Variants in ANO10 observed in about 807,000 individuals in gnomAD.
ANO10 encodes anoctamin-10.
In ANO10, 77 loss-of-function variants were observed where a neutral mutation model predicts 74.7. The observed-to-expected ratio is 1.03, with a 90% CI of 0.86 to 1.25. The LOEUF (loss-of-function observed/expected upper bound fraction) is 1.25, where lower values mean the gene tolerates loss of function less well. Among genes scored for constraint, ANO10 ranks in the 50% most tolerant of loss-of-function variants. The pLI, the probability that ANO10 is intolerant of heterozygous loss-of-function variation, is 0.00. For synonymous variants in ANO10, 279 were observed against 284.9 expected, an observed-to-expected ratio of 0.98 and a Z score of 0.21; for missense variants, 721 against 778.1, an observed-to-expected ratio of 0.93 and a Z score of 0.87.
At chr3:43,665,905 T>C (rs1244312340) in intron 1 of ANO10, among the ~76,000 whole-genome samples, 3 of 152,222 alleles carry the variant, frequency 2.0e-5, no homozygotes, top group Admixed American at 6.5e-5. Context: ...AATTATACAA[T>C]TATAAAGAGG....
intron 11 of ANO10, among the ~76,000 whole-genome samples, chr3:43,545,366 T>TTG (rs2079138517): frequency 6.6e-6 from 1 of 152,012 alleles, no homozygotes; most frequent in African/African-American, 2.4e-5. Flanking sequence ...GATGGTTTTT[T>TTG]TTTGTTTGTT....
intron 11 of ANO10, among the ~76,000 whole-genome samples, chr3:43,496,443 C>CT (rs1315151544): frequency 1.1e-4 from 17 of 151,664 alleles, no homozygotes; most frequent in Admixed American, 4.6e-4. Flanking sequence ...CAATTCTATT[C>CT]TTTTTTTTGA....
chr3:43,663,681 A>T (rs2083953203), intron 1 of ANO10, among the ~76,000 whole-genome samples: 1 of 152,228 alleles, frequency 6.6e-6, no homozygotes. Flanking sequence ...CTGATAAGCA[A>T]CTTCAGCAGT....
chr3:43,408,445 G>A (rs887708880), intron 12 of ANO10, among the ~76,000 whole-genome samples: 6 of 152,136 alleles, frequency 3.9e-5, no homozygotes, highest in Non-Finnish European at 5.9e-5. Flanking sequence ...TTTGAAAATG[G>A]GTTTTTCAAC....
intron 6 of ANO10, among the ~76,000 whole-genome samples, chr3:43,575,184 A>G (rs543879232): frequency 6.6e-6 from 1 of 152,372 alleles, no homozygotes; most frequent in Admixed American, 6.5e-5. Context: ...GTGAAAACTA[A>G]TAATAGTAAC....
Position 43,581,938 on chromosome 3 carries a change from GA to G in ANO10, c.473-1467del, listed in dbSNP as rs559442226. On this transcript the variant is annotated intron_variant, in intron 4 of 12. Transcript: ENST00000292246. ...AAGACCTCATCTCGAAAAAAAAAAA[GA>G]AAAAAAAAAAAGATAAAATTTGCAT... 1.4e-3 allele frequency among the ~76,000 whole-genome samples: 194 copies of G among 134,514 alleles called. 1 individual carries two copies. Among genetic ancestry groups the G allele is most frequent in the Middle Eastern group, 3.8e-3 (1 of 262 alleles). The allele number at this position is 134,514 out of a possible 152,430, so 88.2% of individuals were successfully genotyped here. A position where few individuals can be genotyped will look rare whatever the true frequency, so the allele number is the denominator to read the frequency against.
At chr3:43,662,666 G>C (rs1010988847) in intron 1 of ANO10, among the ~76,000 whole-genome samples, 1 of 152,060 alleles carries the variant, frequency 6.6e-6, no homozygotes, top group African/African-American at 2.4e-5. Context: ...GTGAAGAAAA[G>C]AGAGAAGAAT....
intron 4 of ANO10, among the ~76,000 whole-genome samples, chr3:43,586,998 G>A (rs1156239550): frequency 6.6e-6 from 1 of 152,034 alleles, no homozygotes; most frequent in Non-Finnish European, 1.5e-5. Flanking sequence ...CTCAAGATGA[G>A]AACAGAGCAA....
At chr3:43,572,400 G>T (rs1180624977) in intron 7 of ANO10, among the ~76,000 whole-genome samples, 1 of 152,182 alleles carries the variant, frequency 6.6e-6, no homozygotes, top group Non-Finnish European at 1.5e-5. Context: ...AGTAAGTGGG[G>T]CAGATGGGTG....
At chr3:43,475,596 TTTTTG>T (rs761613891) in intron 11 of ANO10, among the ~76,000 whole-genome samples, 36 of 151,882 alleles carry the variant, frequency 2.4e-4, no homozygotes, top group Non-Finnish European at 3.7e-4. Context: ...GGGTTCTTTG[TTTTTG>T]TTTTGTTTTG....
intron 1 of ANO10, among the ~76,000 whole-genome samples, chr3:43,618,806 T>TC (rs1279794594): frequency 1.4e-5 from 2 of 146,636 alleles, no homozygotes; most frequent in African/African-American, 5.3e-5. Flanking sequence ...TTATACGTCT[T>TC]TTTTTTTTTC....
At position 43,662,853 on chromosome 3, in the gene ANO10, A is replaced by G. The variant is rs531184247; in HGVS notation, c.-12+28664T>C. On this transcript the variant is annotated intron_variant, in intron 1 of 3. Coordinates refer to the ANO10 transcript ENST00000413397. Reference sequence around the variant, plus strand: ...CAAGACTAAACCAGGAAGAAGTTGAAGCTCTGAACAGACCAATAACAGGTT... The same window carrying G: ...CAAGACTAAACCAGGAAGAAGTTGAGGCTCTGAACAGACCAATAACAGGTT... Among the ~76,000 whole-genome samples, 26 of 152,316 alleles carry G rather than the reference A, an allele frequency of 1.7e-4. 2 individuals carry two copies. Among genetic ancestry groups the G allele is most frequent in the African/African-American group, 6.3e-4 (26 of 41,568 alleles).
At chr3:43,492,950 G>A (rs1192345922) in intron 11 of ANO10, among the ~76,000 whole-genome samples, 4 of 152,052 alleles carry the variant, frequency 2.6e-5, no homozygotes, top group African/African-American at 9.7e-5. Context: ...TATGCCCAAA[G>A]GATTACAAAT....
At chr3:43,375,144 A>C (rs539875405) in intron 12 of ANO10, among the ~76,000 whole-genome samples, 1 of 147,146 alleles carries the variant, frequency 6.8e-6, no homozygotes, top group South Asian at 2.1e-4. Context: ...ACAACAAAAA[A>C]CTTTAAGAAT....
chr3:43,367,061 G>A lies in ANO10; in HGVS notation c.1915-87C>T, dbSNP rs1470518917. ...TGCTCTCTGTGGAAGCCTGGCCAGC[G>A]GCTTTGACCCCAGGGAAGTGGTGAC... is the stretch of plus-strand genomic sequence containing the variant. On this transcript the variant is annotated intron_variant, in intron 12 of 12. Coordinates refer to ENST00000292246, the MANE Select transcript of ANO10 (RefSeq NM_018075.5). 3.5e-5 allele frequency: 46 copies of A among 1,311,438 alleles called. No homozygotes were observed. The East Asian group carries it at 8.8e-4, about 25-fold the overall frequency. 81.2% of individuals were successfully genotyped at this position (1,311,438 alleles called of 1,614,324 possible). A position where few individuals can be genotyped will look rare whatever the true frequency, so the allele number is the denominator to read the frequency against.
At chr3:43,494,103 T>C (rs1402076529) in intron 11 of ANO10, among the ~76,000 whole-genome samples, 1 of 152,192 alleles carries the variant, frequency 6.6e-6, no homozygotes, top group Non-Finnish European at 1.5e-5. Flanking sequence ...AAGACAGAGA[T>C]GTTTTCAATA....
At chr3:43,414,043 A>G (rs1344840152) in intron 12 of ANO10, among the ~76,000 whole-genome samples, 1 of 152,156 alleles carries the variant, frequency 6.6e-6, no homozygotes, top group African/African-American at 2.4e-5. Context: ...TTGAGACAAG[A>G]GCTTTGAAGA....
At chr3:43,651,943 G>A (rs370543982) in intron 1 of ANO10, among the ~76,000 whole-genome samples, 11 of 152,092 alleles carry the variant, frequency 7.2e-5, no homozygotes, top group African/African-American at 2.4e-4. Context: ...GTTGGGGGCC[G>A]GGAGTAATAA....
At chr3:43,601,576 G>C (rs2082337876) in intron 2 of ANO10, among the ~76,000 whole-genome samples, 1 of 152,150 alleles carries the variant, frequency 6.6e-6, no homozygotes, top group South Asian at 2.1e-4. Context: ...ATATTAATCA[G>C]ATGATAACAG....
Sources: allele counts gnomAD v4.1 joint callset (sites outside exome capture counted in the v4.1 genomes callset), GRCh38; gene constraint gnomAD v4.1.1; transcripts MANE v1.5; gene names NCBI Gene and HGNC (gene_info 2026-07-23, HGNC 2026-07-21).